The following HPSE2 variants were observed in gnomAD, a reference collection of about 807,000 sequenced individuals.
The protein encoded by HPSE2 is heparanase 2 (inactive), also known as inactive heparanase-2.
In HPSE2, 38 loss-of-function variants were observed where a neutral mutation model predicts 60.5. The observed-to-expected ratio is 0.63, with a 90% CI of 0.48 to 0.82. HPSE2 has a LOEUF of 0.82. Ranked by LOEUF, HPSE2 falls within the 40% of genes least tolerant of loss-of-function variation. HPSE2 has a pLI of 0.00. For synonymous variants in HPSE2, 295 were observed against 293.2 expected (o/e 1.01, Z -0.06); for missense variants, 713 against 740.4 (o/e 0.96, Z 0.43).
chr10:99,085,260 A>G (rs184598685), intron 3 of HPSE2, among the ~76,000 whole-genome samples: 26 of 152,266 alleles, frequency 1.7e-4, no homozygotes, highest in African/African-American at 6.3e-4. Context: ...GTTTAGACCA[A>G]CTTCTCATTT....
chr10:98,469,029 G>A (rs1925641), intron 11 of HPSE2, among the ~76,000 whole-genome samples: 41,290 of 152,020 alleles, frequency 0.27, 6,793 homozygotes, highest in African/African-American at 0.47. Context: ...TGGGGGTTTT[G>A]TAGGCAAGTT....
chr10:99,020,743 C>A (rs1315099325), intron 3 of HPSE2, among the ~76,000 whole-genome samples: 1 of 152,082 alleles, frequency 6.6e-6, no homozygotes, highest in Non-Finnish European at 1.5e-5. Flanking sequence ...CAGCAGTGTC[C>A]ACCTAGCCTT....
At chr10:98,824,124 G>A (rs2134625283) in intron 3 of HPSE2, among the ~76,000 whole-genome samples, 1 of 152,212 alleles carries the variant, frequency 6.6e-6, no homozygotes, top group South Asian at 2.1e-4. Flanking sequence ...ATCTTGAATT[G>A]AACAATAAAA....
At chr10:99,159,530 T>G (rs1320970452) in intron 2 of HPSE2, among the ~76,000 whole-genome samples, 1 of 152,202 alleles carries the variant, frequency 6.6e-6, no homozygotes, top group East Asian at 1.9e-4. Flanking sequence ...TGGTGAAATA[T>G]GAATAAAGTC....
At chr10:98,925,262 A>G (rs539452971) in intron 3 of HPSE2, among the ~76,000 whole-genome samples, 1 of 152,224 alleles carries the variant, frequency 6.6e-6, no homozygotes, top group East Asian at 1.9e-4. Flanking sequence ...GATAGTTGTT[A>G]AGATTTGGTG....
Position 98,869,802 on chromosome 10 carries a change from C to A in HPSE2, c.611-125746G>T, listed in dbSNP as rs190941702. 2.6e-4 allele frequency among the ~76,000 whole-genome samples: 39 copies of A among 152,194 alleles called. No homozygotes were observed. The East Asian group carries it at 4.3e-3, about 17-fold the overall frequency. ...ATCATGGGCAAGTAATTTCTCTTTT[C>A]CTCTCAGCCATAGTTTCCTTCCGAA... is the stretch of plus-strand genomic sequence containing the variant. On this transcript the variant is annotated intron_variant, in intron 3 of 11. Coordinates refer to ENST00000370552, the MANE Select transcript of HPSE2 (RefSeq NM_021828.5).
At chr10:98,480,093 A>AT (rs35831340) in intron 11 of HPSE2, among the ~76,000 whole-genome samples, 22,403 of 145,016 alleles carry the variant, frequency 0.15, 2,288 homozygotes, top group African/African-American at 0.29. Context: ...CCTCTCCTAC[A>AT]TTTTTTTTTT....
the HPSE2 span, among the ~76,000 whole-genome samples, chr10:99,264,846 C>G: frequency 6.6e-6 from 1 of 152,086 alleles, no homozygotes; most frequent in South Asian, 2.1e-4. Context: ...AGTTTAATCT[C>G]TCCCACTGTA....
chr10:98,661,751 C>T (rs925741626), intron 6 of HPSE2, among the ~76,000 whole-genome samples: 3 of 152,088 alleles, frequency 2.0e-5, no homozygotes, highest in Non-Finnish European at 2.9e-5. Context: ...TAATTTGTTG[C>T]TATTACAGAC....
At chr10:98,467,861 G>A (rs1450655285) in intron 11 of HPSE2, among the ~76,000 whole-genome samples, 1 of 152,266 alleles carries the variant, frequency 6.6e-6, no homozygotes, top group African/African-American at 2.4e-5. Context: ...TTAAGGAAAC[G>A]TGCGAAACGG....
chr10:98,849,409 A>G (rs1194591329), intron 3 of HPSE2, among the ~76,000 whole-genome samples: 2 of 152,252 alleles, frequency 1.3e-5, no homozygotes, highest in African/African-American at 4.8e-5. Flanking sequence ...CCATCATTAA[A>G]CAGAATCAGA....
At chr10:99,193,599 A>G (rs1032113153) in intron 2 of HPSE2, among the ~76,000 whole-genome samples, 8 of 152,110 alleles carry the variant, frequency 5.3e-5, no homozygotes, top group Non-Finnish European at 8.8e-5. Flanking sequence ...AAAGGTATTC[A>G]GTGCCAATGG....
At chr10:98,596,020 T>C (rs1268935063) in intron 9 of HPSE2, among the ~76,000 whole-genome samples, 1 of 152,226 alleles carries the variant, frequency 6.6e-6, no homozygotes, top group Non-Finnish European at 1.5e-5. Flanking sequence ...TTTATGCATG[T>C]TGAACCATTC....
chr10:98,794,125 G>A (rs966254011), intron 3 of HPSE2, among the ~76,000 whole-genome samples: 8 of 152,054 alleles, frequency 5.3e-5, no homozygotes, highest in African/African-American at 1.4e-4. Flanking sequence ...TATTGAAATC[G>A]GAAAATAATA....
the HPSE2 span, among the ~76,000 whole-genome samples, chr10:99,269,616 C>T: frequency 5.9e-5 from 9 of 152,206 alleles, no homozygotes; most frequent in East Asian, 3.9e-4. Flanking sequence ...CTTAATGTTA[C>T]GCTAGAACTT....
chr10:98,887,731 T>C (rs1392036571), intron 3 of HPSE2, among the ~76,000 whole-genome samples: 1 of 151,900 alleles, frequency 6.6e-6, no homozygotes, highest in Non-Finnish European at 1.5e-5. Flanking sequence ...ATAAGAGAAG[T>C]TGCATGGGTG....
intron 3 of HPSE2, among the ~76,000 whole-genome samples, chr10:99,106,409 GT>G (rs752290332): frequency 1.1e-4 from 17 of 151,996 alleles, no homozygotes; most frequent in Non-Finnish European, 2.4e-4. Context: ...TTTATCAAAT[GT>G]TTTTTCTGCA....
chr10:98,912,183 G>A (rs1953997173), intron 3 of HPSE2, among the ~76,000 whole-genome samples: 1 of 152,034 alleles, frequency 6.6e-6, no homozygotes, highest in Admixed American at 6.6e-5. Flanking sequence ...TGCAGAGAGT[G>A]GAAAAAATCC....
At chr10:98,983,601 A>T (rs994420406) in intron 3 of HPSE2, among the ~76,000 whole-genome samples, 2 of 152,244 alleles carry the variant, frequency 1.3e-5, no homozygotes, top group Admixed American at 6.5e-5. Context: ...CTTATTCACA[A>T]ATGGGTCGTG....
Sources: allele counts gnomAD v4.1 joint callset (sites outside exome capture counted in the v4.1 genomes callset), GRCh38; gene constraint gnomAD v4.1.1; transcripts MANE v1.5; gene names NCBI Gene and HGNC (gene_info 2026-07-23, HGNC 2026-07-21).